The following HTR1E variants were observed in gnomAD, a reference collection of about 807,000 sequenced individuals.
The protein encoded by HTR1E is 5-hydroxytryptamine receptor 1E.
HTR1E carries 3 observed loss-of-function variants against 3.4 expected under a neutral mutation model. The ratio of observed to expected loss-of-function variants is 0.89; its 90% CI spans 0.41 to 2.31. The LOEUF (loss-of-function observed/expected upper bound fraction) is 2.31. Ranked by LOEUF, HTR1E falls within the 30% of genes most tolerant of loss-of-function variation. The probability of loss-of-function intolerance (pLI) is 0.05; values close to 1 mark genes in which losing one functional copy is unlikely to be tolerated. For missense variants in HTR1E, 392 were observed against 467.0 expected (o/e 0.84, Z 1.48); for synonymous variants, 170 against 182.8 (o/e 0.93, Z 0.56).
chr6:86,947,735 A>T (rs1028367405), intron 1 of HTR1E, among the ~76,000 whole-genome samples: 7 of 152,154 alleles, frequency 4.6e-5, no homozygotes, highest in Non-Finnish European at 8.8e-5. Flanking sequence ...CCATTTATTG[A>T]TTCAACAACA....
In HTR1E at chr6:87,006,835, A is replaced by C. The variant is rs536565473; in HGVS notation, c.-185-8315A>C. Among the ~76,000 whole-genome samples, 5 of 152,330 alleles carry C rather than the reference A, an allele frequency of 3.3e-5. No homozygotes were observed. In the South Asian group the frequency reaches 1.0e-3, roughly 32 times the overall value. ...AATGAACCCAGGAACAGAAAACCAA[A>C]CACCACATGCTCTCACTTATAAGTG... is the stretch of plus-strand genomic sequence containing the variant. On this transcript the variant is annotated intron_variant, in intron 1 of 1. Coordinates refer to ENST00000305344, the MANE Select transcript of HTR1E (RefSeq NM_000865.3).
intron 1 of HTR1E, among the ~76,000 whole-genome samples, chr6:86,998,399 C>T (rs1264519945): frequency 1.3e-5 from 2 of 151,870 alleles, no homozygotes; most frequent in African/African-American, 4.8e-5. Context: ...AGCCTGAGTA[C>T]AATAGAACTA....
chr6:86,953,147 C>T (rs1767269809), intron 1 of HTR1E, among the ~76,000 whole-genome samples: 2 of 152,104 alleles, frequency 1.3e-5, no homozygotes, highest in Admixed American at 6.6e-5. Flanking sequence ...AGTCGAGATC[C>T]TTTTGGTTGT....
intron 1 of HTR1E, among the ~76,000 whole-genome samples, chr6:86,987,874 A>C (rs1318858019): frequency 1.3e-5 from 2 of 152,166 alleles, no homozygotes; most frequent in East Asian, 3.9e-4. Context: ...AATCTCATTC[A>C]TGAAGGAGGA....
rs113073829 is a variant in HTR1E at position 87,001,443 on chromosome 6, G to A, written c.-185-13707G>A. 3.7e-3 allele frequency among the ~76,000 whole-genome samples: 560 copies of A among 152,266 alleles called. 3 individuals carry two copies. The highest frequency in any genetic ancestry group is 9.7e-3 in the African/African-American group (405 of 41,562). Reference sequence around the variant, plus strand: ...CACACTTTGTTACTGAAACACCAGGGCTTCTGTCTAGGTCCTGCTGCTTGC... The same window carrying A: ...CACACTTTGTTACTGAAACACCAGGACTTCTGTCTAGGTCCTGCTGCTTGC... On this transcript the variant is annotated intron_variant, in intron 1 of 1. Transcript: ENST00000305344.
chr6:86,977,096 T>C (rs1767649043), intron 1 of HTR1E, among the ~76,000 whole-genome samples: 1 of 152,054 alleles, frequency 6.6e-6, no homozygotes, highest in South Asian at 2.1e-4. Flanking sequence ...AGGTGTGGGG[T>C]ATACATCTGC....
At chr6:87,014,059 A>G (rs1309750656) in intron 1 of HTR1E, among the ~76,000 whole-genome samples, 1 of 152,086 alleles carries the variant, frequency 6.6e-6, no homozygotes, top group African/African-American at 2.4e-5. Flanking sequence ...GAATTGAACA[A>G]TGAGAACACC....
intron 1 of HTR1E, among the ~76,000 whole-genome samples, chr6:86,997,210 C>T (rs1767952356): frequency 6.6e-6 from 1 of 151,808 alleles, no homozygotes; most frequent in South Asian, 2.1e-4. Context: ...TGATAAAGAA[C>T]ATTGACATGA....
intron 1 of HTR1E, among the ~76,000 whole-genome samples, chr6:86,942,990 GA>G (rs748344579): frequency 5.9e-4 from 90 of 152,302 alleles, no homozygotes; most frequent in Non-Finnish European, 1.1e-3. Flanking sequence ...CAGCACAAAA[GA>G]TGTCCAGCCG....
chr6:86,970,542 A>G, intron 1 of HTR1E: 1 of 179,012 alleles, frequency 5.6e-6, no homozygotes, highest in Non-Finnish European at 1.2e-5. Context: ...AAGATCAAGC[A>G]CCTGAGAAAG....
At chr6:86,967,385 C>A (rs73497561) in intron 1 of HTR1E, among the ~76,000 whole-genome samples, 2,102 of 152,004 alleles carry the variant, frequency 0.014, 37 homozygotes, top group African/African-American at 0.047. Flanking sequence ...ATATAAATAT[C>A]AATTCTCACT....
chr6:86,979,191 C>A (rs1767678800), intron 1 of HTR1E, among the ~76,000 whole-genome samples: 1 of 152,162 alleles, frequency 6.6e-6, no homozygotes, highest in Non-Finnish European at 1.5e-5. Flanking sequence ...AGTTTAGATT[C>A]ATCTTGATTA....
intron 1 of HTR1E, among the ~76,000 whole-genome samples, chr6:86,958,944 G>A (rs1374468571): frequency 2.0e-5 from 2 of 100,024 alleles, no homozygotes; most frequent in African/African-American, 9.6e-5. Flanking sequence ...GCACGTGTGT[G>A]TGTGTGTGTG....
chr6:86,950,209 CAT>C (rs1472758764), intron 1 of HTR1E, among the ~76,000 whole-genome samples: 1 of 151,774 alleles, frequency 6.6e-6, no homozygotes, highest in Non-Finnish European at 1.5e-5. Flanking sequence ...TGAAAAAGTA[CAT>C]GTTATCTTAT....
chr6:86,973,125 T>C, intron 1 of HTR1E, among the ~76,000 whole-genome samples: 1 of 152,174 alleles, frequency 6.6e-6, no homozygotes, highest in African/African-American at 2.4e-5. Flanking sequence ...AGGATTTACT[T>C]TCCTGGGGGG....
intron 1 of HTR1E, among the ~76,000 whole-genome samples, chr6:86,947,993 T>C (rs1292788401): frequency 6.6e-6 from 1 of 152,202 alleles, no homozygotes; most frequent in African/African-American, 2.4e-5. Flanking sequence ...TTTTAAGCCC[T>C]GCATGCGTTA....
chr6:86,993,339 T>C (rs1219298923), intron 1 of HTR1E, among the ~76,000 whole-genome samples: 18 of 152,004 alleles, frequency 1.2e-4, no homozygotes, highest in Admixed American at 1.2e-3. Flanking sequence ...TGGGGTTTTA[T>C]AACCAATGCA....
chr6:87,013,466 G>A (rs2127834120), intron 1 of HTR1E, among the ~76,000 whole-genome samples: 1 of 152,226 alleles, frequency 6.6e-6, no homozygotes, highest in Non-Finnish European at 1.5e-5. Flanking sequence ...ACTCCTCATA[G>A]GATGTATCCA....
Position 87,016,487 on chromosome 6 carries a change from GT to G in HTR1E, c.*56del. On this transcript the variant is annotated 3_prime_UTR_variant, in exon 2 of 2. Transcript: ENST00000305344. ...TCCAGAGCCTCATGAGTGGATGGGGGTAAGGGGTGCAACTTATTAATTCTTG... is the reference window on the plus strand; with the variant it reads ...TCCAGAGCCTCATGAGTGGATGGGGGAAGGGGTGCAACTTATTAATTCTTG... 1 of 1,446,092 alleles carries G rather than the reference GT, an allele frequency of 6.9e-7. No homozygotes were observed. The highest frequency in any genetic ancestry group is 2.3e-5 in the East Asian group (1 of 43,666). 89.6% of individuals were successfully genotyped at this position (1,446,092 alleles called of 1,614,324 possible). A position where few individuals can be genotyped will look rare whatever the true frequency, so the allele number is the denominator to read the frequency against.
Sources: gnomAD v4.1 joint callset for allele counts (sites outside exome capture counted in the v4.1 genomes callset) on GRCh38, gnomAD v4.1.1 for gene constraint, MANE v1.5 for transcripts, NCBI Gene and HGNC (gene_info 2026-07-23, HGNC 2026-07-21) for gene names.